SGIP1: variants seen among roughly 807,000 people sequenced by gnomAD.
SGIP1 encodes SH3-containing GRB2-like protein 3-interacting protein 1.
Under a neutral mutation model 107.5 loss-of-function variants are expected in SGIP1, and 38 were observed. The ratio of observed to expected loss-of-function variants is 0.35; its 90% CI spans 0.27 to 0.46. The LOEUF (loss-of-function observed/expected upper bound fraction) is 0.46, where lower values mean the gene tolerates loss of function less well. Among genes scored for constraint, SGIP1 ranks in the 20% least tolerant of loss-of-function variants. The pLI is 1.00. For missense variants in SGIP1, 929 were observed against 1,019.5 expected (o/e 0.91, Z 1.21); for synonymous variants, 365 against 366.1 (o/e 1.00, Z 0.03).
rs1431725360 is a variant in SGIP1 at position 66,743,523 on chromosome 1, T to C, written c.*428T>C. The C allele has an allele frequency of 6.5e-6, 1 of 154,172 alleles. No homozygotes were observed. The highest frequency in any genetic ancestry group is 1.4e-5 in the Non-Finnish European group (1 of 69,064). 9.6% of individuals were successfully genotyped at this position (154,172 alleles called of 1,614,324 possible). A position where few individuals can be genotyped will look rare whatever the true frequency, so the allele number is the denominator to read the frequency against. On this transcript the variant is annotated 3_prime_UTR_variant, in exon 25 of 25. Coordinates refer to ENST00000371037, the MANE Select transcript of SGIP1 (RefSeq NM_032291.4). ...TTAAATATAATATTGATAGCTGTCA[T>C]AAAGGGGGTGCCACATATTAAAGAA... is the stretch of plus-strand genomic sequence containing the variant.
At chr1:66,670,915 A>C (rs1235926245) in intron 9 of SGIP1, 80 bp from the exon 10 acceptor site, 1 of 660,540 alleles carries the variant, frequency 1.5e-6, no homozygotes, top group Admixed American at 3.1e-5. Flanking sequence ...GTTCAGTTTA[A>C]TTGCAATGAC....
chr1:66,595,315 T>C (rs1424620441), intron 1 of SGIP1, among the ~76,000 whole-genome samples: 1 of 152,114 alleles, frequency 6.6e-6, no homozygotes. Flanking sequence ...GAGCCTGAAC[T>C]CACCCTCCAA....
In SGIP1 at chr1:66,745,598, A is replaced by C. The variant is rs1208064307; in HGVS notation, c.*2503A>C. On this transcript the variant is annotated 3_prime_UTR_variant, in exon 25 of 25. Coordinates refer to ENST00000371037, the MANE Select transcript of SGIP1 (RefSeq NM_032291.4). Reference sequence around the variant, plus strand: ...TTATCAAAGACATTAAGTCAGATTCATTTATTCATTTTATTCCCAAGTCAG... The same window carrying C: ...TTATCAAAGACATTAAGTCAGATTCCTTTATTCATTTTATTCCCAAGTCAG... 1 of 152,118 alleles carries C rather than the reference A, an allele frequency of 6.6e-6. No individual in the cohort carries two copies. Among genetic ancestry groups the C allele is most frequent in the Non-Finnish European group, 1.5e-5 (1 of 67,946 alleles). The allele number at this position is 152,118 out of a possible 1,614,324, so 9.4% of individuals were successfully genotyped here.
At chr1:66,656,903 C>G (rs1474699961) in intron 7 of SGIP1, among the ~76,000 whole-genome samples, 1 of 152,172 alleles carries the variant, frequency 6.6e-6, no homozygotes, top group Non-Finnish European at 1.5e-5. Context: ...CATAGTGGCT[C>G]ATGCCTATAA....
chr1:66,612,057 G>A (rs1469455505), intron 1 of SGIP1, among the ~76,000 whole-genome samples: 1 of 152,190 alleles, frequency 6.6e-6, no homozygotes, highest in African/African-American at 2.4e-5. Flanking sequence ...GGTTCTGCAG[G>A]CTGCACAAGA....
intron 1 of SGIP1, among the ~76,000 whole-genome samples, chr1:66,609,572 G>C (rs2149128840): frequency 6.6e-6 from 1 of 152,244 alleles, no homozygotes; most frequent in African/African-American, 2.4e-5. Context: ...TCTGTGTTCT[G>C]GTGACTTCAT....
At chr1:66,691,924 G>A (rs2089937691) in intron 17 of SGIP1, among the ~76,000 whole-genome samples, 1 of 152,168 alleles carries the variant, frequency 6.6e-6, no homozygotes, top group South Asian at 2.1e-4. Context: ...ACTTTGGGAG[G>A]CCGAGGCGGG....
intron 1 of SGIP1, among the ~76,000 whole-genome samples, chr1:66,601,102 G>A (rs1289915419): frequency 2.0e-5 from 3 of 152,098 alleles, no homozygotes; most frequent in African/African-American, 4.8e-5. Flanking sequence ...GGTGGCTCAC[G>A]CCTGTAATCC....
chr1:66,672,063 T>C, intron 11 of SGIP1, 68 bp downstream of exon 11: 1 of 1,447,662 alleles, frequency 6.9e-7, no homozygotes, highest in East Asian at 2.3e-5. Context: ...TAAGCAAATC[T>C]CCTTTGAGCT....
In SGIP1 at chr1:66,689,232, C is replaced by A; in HGVS notation, c.1400C>A (p.Ser467Tyr). The A allele has an allele frequency of 6.2e-7, 1 of 1,613,848 alleles. No individual in the cohort carries two copies. Among genetic ancestry groups the A allele is most frequent in the South Asian group, 1.1e-5 (1 of 91,022 alleles). Residue 467 changes from serine to tyrosine, a missense_variant, in exon 16 of 25, where the codon TCC (serine) becomes TAC (tyrosine). Transcript: ENST00000371037. Reference sequence around the variant, plus strand: ...CCTCCACCTCCTCCCCGGCCTCCATCCCGGCCAAAGCTACCTCCAGGAAAA... The same window carrying A: ...CCTCCACCTCCTCCCCGGCCTCCATACCGGCCAAAGCTACCTCCAGGAAAA... ...TPPPPPPRPP[S>Y]RPKLPPGKPG...
chr1:66,739,622 A>G, intron 22 of SGIP1, 85 bp downstream of exon 22: 2 of 1,364,984 alleles, frequency 1.5e-6, no homozygotes, highest in Non-Finnish European at 1.0e-6. Flanking sequence ...GTCCTGTAGG[A>G]GGAGATGACA....
intron 18 of SGIP1, among the ~76,000 whole-genome samples, chr1:66,706,476 TAATA>T (rs2092526959): frequency 2.0e-5 from 3 of 147,494 alleles, no homozygotes; most frequent in South Asian, 2.1e-4. Context: ...ATAAATATTT[TAATA>T]AATATTTATG....
intron 18 of SGIP1, among the ~76,000 whole-genome samples, chr1:66,709,148 A>G (rs902911495): frequency 6.6e-6 from 1 of 152,018 alleles, no homozygotes; most frequent in Non-Finnish European, 1.5e-5. Context: ...CATCATCTAC[A>G]TTAGGTATTT....
At chr1:66,733,545 C>T (rs879579704) in intron 20 of SGIP1, among the ~76,000 whole-genome samples, 2 of 152,242 alleles carry the variant, frequency 1.3e-5, no homozygotes, top group South Asian at 2.1e-4. Context: ...AGCTCCTCCT[C>T]GTGGATATTA....
chr1:66,736,239 ATATT>A (rs973203152), intron 21 of SGIP1, among the ~76,000 whole-genome samples: 8 of 141,422 alleles, frequency 5.7e-5, no homozygotes, highest in African/African-American at 8.3e-5. Context: ...TTAAATATAA[ATATT>A]TATACAAATA....
intron 1 of SGIP1, among the ~76,000 whole-genome samples, chr1:66,547,514 A>G (rs1335753798): frequency 6.6e-6 from 1 of 152,150 alleles, no homozygotes; most frequent in East Asian, 1.9e-4. Flanking sequence ...GTTTCCTGCT[A>G]TCTTCTGTCT....
chr1:66,631,396 T>C (rs1429749382), intron 2 of SGIP1, among the ~76,000 whole-genome samples: 1 of 152,226 alleles, frequency 6.6e-6, no homozygotes, highest in African/African-American at 2.4e-5. Context: ...CACATCCAGG[T>C]AATGTCCAAA....
intron 1 of SGIP1, among the ~76,000 whole-genome samples, chr1:66,592,638 TTAG>T (rs1446641384): frequency 6.6e-6 from 1 of 152,194 alleles, no homozygotes; most frequent in African/African-American, 2.4e-5. Flanking sequence ...GGATTGACTC[TTAG>T]TGGTGTACAT....
chr1:66,557,937 G>A (rs1432755343), intron 1 of SGIP1, among the ~76,000 whole-genome samples: 3 of 152,102 alleles, frequency 2.0e-5, no homozygotes, highest in Admixed American at 6.6e-5. Flanking sequence ...GCCTTATATG[G>A]TAGGCCTGTT....
Sources: gnomAD v4.1 joint callset for allele counts (sites outside exome capture counted in the v4.1 genomes callset) on GRCh38, gnomAD v4.1.1 for gene constraint, MANE v1.5 for transcripts, NCBI Gene and HGNC (gene_info 2026-07-23, HGNC 2026-07-21) for gene names.